RPS6KC1: variants seen among roughly 807,000 people sequenced by gnomAD.
The protein encoded by RPS6KC1 is inactive ribosomal protein S6 kinase delta-1.
RPS6KC1 carries 54 observed loss-of-function variants against 103.8 expected under a neutral mutation model. The observed-to-expected ratio is 0.52, with a 90% CI of 0.42 to 0.65. RPS6KC1 has a LOEUF of 0.65. Ranked by LOEUF, RPS6KC1 falls within the 30% of genes least tolerant of loss-of-function variation. RPS6KC1 has a pLI of 0.00. For synonymous variants in RPS6KC1, 439 were observed against 438.7 expected (o/e 1.00, Z -0.01); for missense variants, 1,151 against 1,253.8 (o/e 0.92, Z 1.24).
chr1:213,844,708 G>A, the RPS6KC1 span, among the ~76,000 whole-genome samples: 1 of 152,074 alleles, frequency 6.6e-6, no homozygotes, highest in Non-Finnish European at 1.5e-5. Flanking sequence ...GCATTTATAA[G>A]GTATCAAATT....
chr1:213,181,738 A>C (rs751541912), intron 8 of RPS6KC1, among the ~76,000 whole-genome samples: 2 of 152,202 alleles, frequency 1.3e-5, no homozygotes, highest in Non-Finnish European at 2.9e-5. Flanking sequence ...TATCCTGTGA[A>C]AATACCTTTC....
At chr1:213,089,869 C>T (rs1003501752) in intron 3 of RPS6KC1, among the ~76,000 whole-genome samples, 2 of 152,176 alleles carry the variant, frequency 1.3e-5, no homozygotes, top group African/African-American at 4.8e-5. Flanking sequence ...ATGTCAGGCG[C>T]GGTCCTACGT....
the RPS6KC1 span, among the ~76,000 whole-genome samples, chr1:213,661,438 C>T: frequency 2.0e-5 from 3 of 152,162 alleles, no homozygotes; most frequent in South Asian, 6.2e-4. Flanking sequence ...TGTGAGCAGA[C>T]CTTACAAAGA....
the RPS6KC1 span, among the ~76,000 whole-genome samples, chr1:213,516,937 C>T: frequency 1.3e-5 from 2 of 152,160 alleles, no homozygotes; most frequent in Non-Finnish European, 2.9e-5. Context: ...GAGTCAACTT[C>T]TTCCTGGTTT....
At chr1:213,480,848 T>C in the RPS6KC1 span, among the ~76,000 whole-genome samples, 1 of 152,152 alleles carries the variant, frequency 6.6e-6, no homozygotes, top group Non-Finnish European at 1.5e-5. Context: ...GAATGGTGTT[T>C]AATGTTATAA....
At chr1:213,832,060 A>G in the RPS6KC1 span, among the ~76,000 whole-genome samples, 1 of 152,144 alleles carries the variant, frequency 6.6e-6, no homozygotes, top group Non-Finnish European at 1.5e-5. Flanking sequence ...AGACCCATGT[A>G]TTTGGTCTGT....
At chr1:213,522,039 A>G in the RPS6KC1 span, among the ~76,000 whole-genome samples, 1 of 152,246 alleles carries the variant, frequency 6.6e-6, no homozygotes, top group African/African-American at 2.4e-5. Context: ...TACTTTCCCC[A>G]GATTCATCAG....
At position 213,273,984 on chromosome 1, in the gene RPS6KC1, C is replaced by T. The variant is rs2095095308; in HGVS notation, c.*1350C>T. On this transcript the variant is annotated 3_prime_UTR_variant, in exon 15 of 15. Coordinates refer to ENST00000366960, the MANE Select transcript of RPS6KC1 (RefSeq NM_012424.6). ...CCCCACTCCAGGAGCATCTGTACAG[C>T]TTCCATCTGCCATCGACCAGGTCCT... The T allele has an allele frequency of 6.6e-6, 1 of 152,182 alleles. No individual in the cohort carries two copies. The highest frequency in any genetic ancestry group is 1.5e-5 in the Non-Finnish European group (1 of 68,032). 9.4% of individuals were successfully genotyped at this position (152,182 alleles called of 1,614,324 possible). A position where few individuals can be genotyped will look rare whatever the true frequency, so the allele number is the denominator to read the frequency against.
At chr1:213,713,414 G>C in the RPS6KC1 span, among the ~76,000 whole-genome samples, 1 of 152,126 alleles carries the variant, frequency 6.6e-6, no homozygotes, top group Non-Finnish European at 1.5e-5. Flanking sequence ...AATTCTTGGA[G>C]AAATATTTAT....
the RPS6KC1 span, among the ~76,000 whole-genome samples, chr1:213,444,754 A>C: frequency 6.6e-6 from 1 of 151,468 alleles, no homozygotes. Context: ...CAAAAAAAAA[A>C]AAAAAAAAGG....
the RPS6KC1 span, among the ~76,000 whole-genome samples, chr1:213,437,280 TC>T: frequency 1.3e-5 from 2 of 152,052 alleles, no homozygotes; most frequent in African/African-American, 2.4e-5. Flanking sequence ...TATATTTTGT[TC>T]TTCATCTTTT....
chr1:213,161,233 A>AT (rs2090443389), intron 6 of RPS6KC1, among the ~76,000 whole-genome samples: 1 of 152,126 alleles, frequency 6.6e-6, no homozygotes, highest in Admixed American at 6.5e-5. Context: ...GGTAGTTTAT[A>AT]TAAAGGAAGT....
At chr1:213,811,786 A>G in the RPS6KC1 span, among the ~76,000 whole-genome samples, 1 of 152,308 alleles carries the variant, frequency 6.6e-6, no homozygotes, top group South Asian at 2.1e-4. Flanking sequence ...TAAGAACCTT[A>G]AGTTTTTGTG....
chr1:213,860,601 T>C, the RPS6KC1 span, among the ~76,000 whole-genome samples: 1 of 151,992 alleles, frequency 6.6e-6, no homozygotes, highest in East Asian at 1.9e-4. Context: ...GAATTCTGCA[T>C]GCAGAGAAGA....
chr1:213,703,040 C>T, the RPS6KC1 span, among the ~76,000 whole-genome samples: 1 of 151,882 alleles, frequency 6.6e-6, no homozygotes, highest in Non-Finnish European at 1.5e-5. Flanking sequence ...CCTTTTAGTA[C>T]AAGTGATTTT....
intron 8 of RPS6KC1, among the ~76,000 whole-genome samples, chr1:213,183,403 G>A (rs766468533): frequency 4.6e-5 from 7 of 152,080 alleles, no homozygotes; most frequent in Non-Finnish European, 1.0e-4. Context: ...TTCTAGGGCC[G>A]AAAAACCTCA....
intron 2 of RPS6KC1, among the ~76,000 whole-genome samples, chr1:213,076,258 T>A (rs549442182): frequency 2.6e-5 from 4 of 152,166 alleles, no homozygotes; most frequent in Non-Finnish European, 5.9e-5. Context: ...CTGCCTAGCC[T>A]CCTAGGATTA....
the RPS6KC1 span, among the ~76,000 whole-genome samples, chr1:213,838,632 T>G: frequency 3.1e-3 from 476 of 152,228 alleles, 3 homozygotes; most frequent in African/African-American, 0.011. Context: ...GTTAGTCAGG[T>G]ATCCTGTTAC....
intron 6 of RPS6KC1, among the ~76,000 whole-genome samples, chr1:213,158,240 T>A (rs1439677535): frequency 6.6e-6 from 1 of 152,200 alleles, no homozygotes; most frequent in Non-Finnish European, 1.5e-5. Flanking sequence ...GCCAGGTAAA[T>A]CAGTACTGTG....
Sources: gnomAD v4.1 joint callset for allele counts (sites outside exome capture counted in the v4.1 genomes callset) on GRCh38, gnomAD v4.1.1 for gene constraint, MANE v1.5 for transcripts, NCBI Gene and HGNC (gene_info 2026-07-23, HGNC 2026-07-21) for gene names.